DNER: variants seen among roughly 807,000 people sequenced by gnomAD.
The protein encoded by DNER is delta and Notch-like epidermal growth factor-related receptor.
Under a neutral mutation model 78.2 loss-of-function variants are expected in DNER, and 33 were observed. The ratio of observed to expected loss-of-function variants is 0.42; its 90% confidence interval spans 0.32 to 0.56. The LOEUF (loss-of-function observed/expected upper bound fraction) is 0.56. DNER is among the 20% of genes least tolerant of loss of function. The pLI is 0.11. For missense variants in DNER, 918 were observed against 975.3 expected (o/e 0.94, Z 0.78); for synonymous variants, 417 against 384.8 (o/e 1.08, Z -0.98).
intron 8 of DNER, among the ~76,000 whole-genome samples, chr2:229,425,537 C>T (rs979179725): frequency 6.6e-6 from 1 of 152,126 alleles, no homozygotes; most frequent in Non-Finnish European, 1.5e-5. Context: ...TCCTACTCTC[C>T]CCAGTAAAAG....
chr2:229,597,632 A>T, intron 1 of DNER, among the ~76,000 whole-genome samples: 1 of 152,216 alleles, frequency 6.6e-6, no homozygotes, highest in South Asian at 2.1e-4. Flanking sequence ...GATTCTAATG[A>T]TGGGGAAAAA....
intron 10 of DNER, among the ~76,000 whole-genome samples, chr2:229,402,267 T>C (rs1274282038): frequency 6.6e-6 from 1 of 152,164 alleles, no homozygotes; most frequent in Non-Finnish European, 1.5e-5. Flanking sequence ...ATCCAGAATA[T>C]GTAAAGAATT....
intron 1 of DNER, among the ~76,000 whole-genome samples, chr2:229,621,329 C>G (rs572169428): frequency 2.0e-5 from 3 of 152,198 alleles, no homozygotes; most frequent in African/African-American, 7.2e-5. Flanking sequence ...ATTGTATTCA[C>G]CTGCTGAGAA....
At chr2:229,435,018 TG>T (rs1694092355) in intron 8 of DNER, among the ~76,000 whole-genome samples, 1 of 151,394 alleles carries the variant, frequency 6.6e-6, no homozygotes, top group South Asian at 2.1e-4. Flanking sequence ...TATGGTAGAT[TG>T]AAAAAAAAAT....
intron 8 of DNER, among the ~76,000 whole-genome samples, chr2:229,443,684 C>T (rs192846416): frequency 6.0e-4 from 91 of 152,306 alleles, no homozygotes; most frequent in Non-Finnish European, 7.8e-4. Context: ...CAATCTGCTG[C>T]CATTTTATGA....
At chr2:229,384,425 G>A (rs918861234) in intron 11 of DNER, among the ~76,000 whole-genome samples, 2 of 152,086 alleles carry the variant, frequency 1.3e-5, no homozygotes, top group Non-Finnish European at 2.9e-5. Flanking sequence ...CAGAACTGAA[G>A]GAGAGAGAGA....
chr2:229,668,513 AGTATGTGTGTGTGTGTGTGTGT>A (rs1162092837), intron 1 of DNER, among the ~76,000 whole-genome samples: 2 of 15,844 alleles, frequency 1.3e-4, no homozygotes, highest in Non-Finnish European at 1.6e-4. Context: ...TATATAGGTA[AGTATGTGTGTGTGTGTGTGTGT>A]GTATATATAT....
intron 10 of DNER, 33 bp from the exon 11 acceptor site, chr2:229,388,429 G>C: frequency 6.4e-7 from 1 of 1,567,532 alleles, no homozygotes; most frequent in East Asian, 2.4e-5. Context: ...TGGTGAAACC[G>C]CTGCACCCAT....
intron 1 of DNER, among the ~76,000 whole-genome samples, chr2:229,646,436 A>C (rs1223784827): frequency 6.6e-6 from 1 of 152,254 alleles, no homozygotes; most frequent in Non-Finnish European, 1.5e-5. Flanking sequence ...AAGTCAAACA[A>C]CCATAAATTT....
intron 8 of DNER, among the ~76,000 whole-genome samples, chr2:229,446,290 C>A (rs1157618923): frequency 6.6e-6 from 1 of 152,188 alleles, no homozygotes; most frequent in East Asian, 1.9e-4. Flanking sequence ...ACAGTTCCTC[C>A]CAGCCCTAAG....
At chr2:229,488,353 C>T (rs559201144) in intron 6 of DNER, among the ~76,000 whole-genome samples, 3 of 152,204 alleles carry the variant, frequency 2.0e-5, no homozygotes, top group South Asian at 4.1e-4. Context: ...CATGTGTGCA[C>T]TCTGTGTATA....
At chr2:229,599,605 A>G (rs1022923296) in intron 1 of DNER, among the ~76,000 whole-genome samples, 1 of 152,212 alleles carries the variant, frequency 6.6e-6, no homozygotes, top group Non-Finnish European at 1.5e-5. Context: ...CACTGCCTTA[A>G]GGGAACAGTG....
chr2:229,392,692 C>A (rs757237004), intron 10 of DNER, among the ~76,000 whole-genome samples: 1 of 152,100 alleles, frequency 6.6e-6, no homozygotes, highest in Non-Finnish European at 1.5e-5. Context: ...GTCAGTGAAG[C>A]CACAAAAGAT....
intron 1 of DNER, among the ~76,000 whole-genome samples, chr2:229,651,278 C>A (rs1463603904): frequency 6.6e-6 from 1 of 152,160 alleles, no homozygotes; most frequent in African/African-American, 2.4e-5. Flanking sequence ...AATGAGAGTC[C>A]ATTTCTGTTG....
intron 1 of DNER, among the ~76,000 whole-genome samples, chr2:229,712,687 T>A (rs1245150552): frequency 6.6e-6 from 1 of 152,216 alleles, no homozygotes; most frequent in Non-Finnish European, 1.5e-5. Flanking sequence ...AAAGCAAGAT[T>A]TTGTTCTAAT....
chr2:229,370,797 T>G (rs890753661), intron 11 of DNER, among the ~76,000 whole-genome samples: 1 of 152,224 alleles, frequency 6.6e-6, no homozygotes, highest in South Asian at 2.1e-4. Context: ...TGCTCAGATC[T>G]GATCACTATG....
At chr2:229,434,125 T>C (rs60151299) in intron 8 of DNER, among the ~76,000 whole-genome samples, 1 of 152,344 alleles carries the variant, frequency 6.6e-6, no homozygotes, top group East Asian at 1.9e-4. Context: ...ATACTGTGAC[T>C]GGGATTATTC....
intron 4 of DNER, among the ~76,000 whole-genome samples, chr2:229,548,052 C>A (rs1340358860): frequency 1.3e-5 from 2 of 152,028 alleles, no homozygotes; most frequent in African/African-American, 4.8e-5. Flanking sequence ...TCAGCTCTGT[C>A]AAGAGTAAAA....
rs191632036 is a variant in DNER, at chr2:229,630,455, G to A, written c.277-38567C>T. On this transcript the variant is annotated intron_variant, in intron 1 of 12. Transcript: ENST00000341772. ...GGTGTCACTGCACCCCAGCCTGGGC[G>A]ACAGAGTGAGAGACTCCATCTCAAA... Among the ~76,000 whole-genome samples, 762 of 149,102 alleles carry A rather than the reference G, an allele frequency of 5.1e-3. 26 individuals are homozygous for A. Among genetic ancestry groups the A allele is most frequent in the South Asian group, 0.013 (59 of 4,684 alleles).
Sources: gnomAD v4.1 joint callset for allele counts (sites outside exome capture counted in the v4.1 genomes callset) on GRCh38, gnomAD v4.1.1 for gene constraint, MANE v1.5 for transcripts, NCBI Gene and HGNC (gene_info 2026-07-23, HGNC 2026-07-21) for gene names.